The following AGT variants were observed in gnomAD, a reference collection of about 807,000 sequenced individuals.
The protein encoded by AGT is alpha-1 antiproteinase, antitrypsin.
In AGT, 26 loss-of-function variants were observed where a neutral mutation model predicts 28.1. The observed-to-expected ratio is 0.92, with a 90% CI of 0.68 to 1.28. AGT has a LOEUF of 1.28. AGT is among the 50% of genes most tolerant of loss of function. AGT has a pLI of 0.00. For missense variants in AGT, 596 were observed against 592.3 expected, an observed-to-expected ratio of 1.01 and a Z score of -0.06; for synonymous variants, 259 against 259.6, an observed-to-expected ratio of 1.00 and a Z score of 0.02.
chr1:230,720,382 G>GCTGGAGC (rs1663819012), intron 1 of AGT, among the ~76,000 whole-genome samples: 1 of 152,162 alleles, frequency 6.6e-6, no homozygotes, highest in Non-Finnish European at 1.5e-5. Flanking sequence ...TCTGTTGGAG[G>GCTGGAGC]CTGACTACAA....
chr1:230,716,324 G>A (rs1663736358), upstream of AGT, among the ~76,000 whole-genome samples: 2 of 152,248 alleles, frequency 1.3e-5, no homozygotes, highest in South Asian at 4.1e-4. Flanking sequence ...GGCACCTTCT[G>A]TGTTCATTCC....
At chr1:230,715,798 T>C (rs973515099), upstream of AGT, among the ~76,000 whole-genome samples, 3 of 152,194 alleles carry the variant, frequency 2.0e-5, no homozygotes, top group Admixed American at 6.5e-5. Context: ...CACTCACTAT[T>C]CCTGGTGCTC....
chr1:230,728,068 T>C lies in AGT; in HGVS notation c.-30-17215A>G, dbSNP rs189217876. Among the ~76,000 whole-genome samples, 42 of 152,262 alleles carry C rather than the reference T, an allele frequency of 2.8e-4. 1 individual carries two copies. The highest frequency in any genetic ancestry group is 1.8e-3 in the Admixed American group (28 of 15,284). The stretch of plus-strand genomic sequence containing the variant: ...TGCTGATTGGTTGGAGATGCAATCA[T>C]AGGGGTGTGGAAAAAATGGTCCTCA... On this transcript the variant is annotated intron_variant, in intron 1 of 4. Coordinates refer to the AGT transcript ENST00000681269.
intron 1 of AGT, among the ~76,000 whole-genome samples, chr1:230,731,660 G>A (rs6671074): frequency 0.086 from 13,051 of 152,212 alleles, 873 homozygotes; most frequent in East Asian, 0.35. Context: ...GAGGTTAGGA[G>A]CTCAAGACCA....
intron 1 of AGT, among the ~76,000 whole-genome samples, chr1:230,736,303 C>A (rs1198502237): frequency 1.3e-5 from 2 of 152,028 alleles, no homozygotes; most frequent in African/African-American, 4.8e-5. Context: ...GTGGGCAGAT[C>A]ATGAGGTCGG....
chr1:230,737,742 G>T (rs1317181), intron 1 of AGT, among the ~76,000 whole-genome samples: 57,367 of 152,070 alleles, frequency 0.38, 13,583 homozygotes, highest in African/African-American at 0.66. Context: ...ATGTAATTCA[G>T]ATACTGTACA....
intron 1 of AGT, among the ~76,000 whole-genome samples, chr1:230,745,173 A>G (rs1292678204): frequency 6.6e-6 from 1 of 152,224 alleles, no homozygotes; most frequent in African/African-American, 2.4e-5. Context: ...ATGCCTTGCA[A>G]GTTGAGGCAA....
At chr1:230,715,693 A>G (rs574780286), upstream of AGT, among the ~76,000 whole-genome samples, 89 of 152,334 alleles carry the variant, frequency 5.8e-4, 2 homozygotes, top group African/African-American at 2.0e-3. Context: ...ACCTGGACAC[A>G]AGGGGGAGGT....
At chr1:230,742,666 G>T (rs1199683908) in intron 1 of AGT, among the ~76,000 whole-genome samples, 1 of 152,132 alleles carries the variant, frequency 6.6e-6, no homozygotes, top group African/African-American at 2.4e-5. Flanking sequence ...CCACATCAGT[G>T]TATGCAGAGT....
Position 230,734,802 on chromosome 1 carries a change from C to T in AGT, c.-31+10713G>A, listed in dbSNP as rs562056520. Among the ~76,000 whole-genome samples, 101 of 152,130 alleles carry T rather than the reference C, an allele frequency of 6.6e-4. No individual in the cohort carries two copies. In the South Asian group the frequency reaches 8.7e-3, roughly 13 times the overall value. On this transcript the variant is annotated intron_variant, in intron 1 of 4. Transcript: ENST00000681269. Reference sequence around the variant, plus strand: ...TCGGCTCACTGCAAGCTCCACCTCCCGGGTTCATGCCACTCTCCTGCCTCA... The same window carrying T: ...TCGGCTCACTGCAAGCTCCACCTCCTGGGTTCATGCCACTCTCCTGCCTCA...
chr1:230,733,974 C>T (rs1664110689), intron 1 of AGT, among the ~76,000 whole-genome samples: 1 of 152,110 alleles, frequency 6.6e-6, no homozygotes, highest in Admixed American at 6.6e-5. Flanking sequence ...TGCACAGAAG[C>T]CCAACTCAAG....
intron 1 of AGT, among the ~76,000 whole-genome samples, chr1:230,728,884 C>T (rs578196452): frequency 4.6e-5 from 7 of 152,312 alleles, no homozygotes; most frequent in African/African-American, 1.4e-4. Context: ...AGAGAATCCT[C>T]ATAGTGAGGA....
intron 1 of AGT, among the ~76,000 whole-genome samples, chr1:230,738,399 T>A (rs1664189505): frequency 6.6e-6 from 1 of 152,236 alleles, no homozygotes; most frequent in African/African-American, 2.4e-5. Flanking sequence ...CATGGTAGTC[T>A]CATATGTAAA....
At chr1:230,709,046 C>T (rs889882431) in intron 2 of AGT, among the ~76,000 whole-genome samples, 1 of 152,228 alleles carries the variant, frequency 6.6e-6, no homozygotes, top group African/African-American at 2.4e-5. Context: ...CCAGGCAAGG[C>T]CTGCTCTCCG....
At chr1:230,739,737 G>A (rs1432300852) in intron 1 of AGT, among the ~76,000 whole-genome samples, 1 of 152,148 alleles carries the variant, frequency 6.6e-6, no homozygotes, top group Non-Finnish European at 1.5e-5. Context: ...AGAGCCAGAG[G>A]TCCCTGCTCC....
In AGT at chr1:230,702,739, A is replaced by G. The variant is rs1255442018; in HGVS notation, c.*402T>C. On this transcript the variant is annotated 3_prime_UTR_variant, in exon 5 of 5. Coordinates refer to ENST00000366667, the MANE Select transcript of AGT (RefSeq NM_001384479.1). The stretch of plus-strand genomic sequence containing the variant: ...CTAAATACAAACCGAAGGCAATGCA[A>G]AAATGTATACTTTAATTTTAAAACC... The G allele has an allele frequency of 1.3e-5, 3 of 234,300 alleles. No individual in the cohort carries two copies. The highest frequency in any genetic ancestry group is 2.2e-5 in the African/African-American group (1 of 44,832). 14.5% of individuals were successfully genotyped at this position (234,300 alleles called of 1,614,324 possible).
intron 3 of AGT, among the ~76,000 whole-genome samples, chr1:230,704,581 T>A (rs1387081448): frequency 1.3e-5 from 2 of 152,262 alleles, no homozygotes. Context: ...GACCTAGGAA[T>A]GGTTGTCCTT....
In AGT at chr1:230,703,308, C is replaced by T. The variant is rs780763836; in HGVS notation, c.1264G>A (p.Glu422Lys). ...VGEVLNSIFF[E>K]LEADEREPTE... The stretch of plus-strand genomic sequence containing the variant: ...GGCTCTCTCTCATCCGCTTCAAGCT[C>T]AAAAAAAATGCTGTTCAGCACCTGC... The change falls in exon 5 of 5, where the codon GAG becomes AAG. Residue 422 changes from glutamate to lysine, a missense_variant. Glu to Lys is a moderately conservative substitution (Grantham distance 56). Coordinates refer to ENST00000366667, the MANE Select transcript of AGT (RefSeq NM_001384479.1). 2 of 1,613,508 alleles carry T rather than the reference C, an allele frequency of 1.2e-6. No homozygotes were observed. The highest frequency in any genetic ancestry group is 3.3e-5 in the Admixed American group (2 of 59,956).
chr1:230,714,017 C>T (rs1663670628), intron 1 of AGT, 69 bp downstream of exon 1: 1 of 152,206 alleles, frequency 6.6e-6, no homozygotes, highest in African/African-American at 2.4e-5. Context: ...CCTTTTCCTC[C>T]TAGCCCACAG....
Sources: gnomAD v4.1 joint callset for allele counts (sites outside exome capture counted in the v4.1 genomes callset) on GRCh38, gnomAD v4.1.1 for gene constraint, MANE v1.5 for transcripts, NCBI Gene and HGNC (gene_info 2026-07-23, HGNC 2026-07-21) for gene names.